The following NEK10 variants were observed in gnomAD, a reference collection of about 807,000 sequenced individuals.
NEK10 encodes the protein serine/threonine-protein kinase Nek10.
A neutral mutation model predicts 159.8 loss-of-function variants in NEK10; 122 were observed. The observed-to-expected ratio is 0.76, with a 90% CI of 0.66 to 0.89. NEK10 has a LOEUF of 0.89. Ranked by LOEUF, NEK10 falls within the 40% of genes least tolerant of loss-of-function variation. The probability of loss-of-function intolerance (pLI) is 0.00; values close to 1 mark genes in which losing one functional copy is unlikely to be tolerated. For missense variants in NEK10, 1,342 were observed against 1,323.1 expected (o/e 1.01, Z -0.22); for synonymous variants, 466 against 457.1 (o/e 1.02, Z -0.25).
At chr3:27,253,512 A>T (rs1244662555) in intron 23 of NEK10, among the ~76,000 whole-genome samples, 1 of 152,174 alleles carries the variant, frequency 6.6e-6, no homozygotes, top group African/African-American at 2.4e-5. Flanking sequence ...ACCTTTACTG[A>T]CCTTCTGTTC....
At chr3:27,339,114 C>A (rs1395808224) in intron 5 of NEK10, among the ~76,000 whole-genome samples, 1 of 152,042 alleles carries the variant, frequency 6.6e-6, no homozygotes, top group Non-Finnish European at 1.5e-5. Flanking sequence ...GCAAATTATA[C>A]CATTAAAAAG....
chr3:27,322,934 GT>G (rs2045752385), intron 5 of NEK10, among the ~76,000 whole-genome samples: 1 of 152,108 alleles, frequency 6.6e-6, no homozygotes, highest in South Asian at 2.1e-4. Flanking sequence ...TTTTGGTTTT[GT>G]TTTTTAGAAA....
At chr3:27,255,392 A>C (rs1034890838) in intron 23 of NEK10, 9 of 253,002 alleles carry the variant, frequency 3.6e-5, no homozygotes, top group African/African-American at 2.0e-4. Flanking sequence ...TTCTGCATGA[A>C]AGGACTTTGT....
rs1461141046 is a variant in NEK10, at chr3:27,269,103, ACGGATGAAGAGTTGCTTCTTCTGGATGAG to A, written c.2015-12761_2015-12733del. 4.6e-5 allele frequency among the ~76,000 whole-genome samples: 7 copies of A among 152,326 alleles called. No homozygotes were observed. The East Asian group carries it at 1.2e-3, about 25-fold the overall frequency. On this transcript the variant is annotated intron_variant, in intron 22 of 35. Coordinates refer to ENST00000691995, the MANE Select transcript of NEK10 (RefSeq NM_001394966.1). ...ATTGCAATCTCACAATAAAACTTGAACGGATGAAGAGTTGCTTCTTCTGGATGAGCAAAGAAACAGGTTTCTTGGAATGG... is the reference window on the plus strand; with the variant it reads ...ATTGCAATCTCACAATAAAACTTGAACAAAGAAACAGGTTTCTTGGAATGG...
Position 27,141,522 on chromosome 3 carries a change from T to G in NEK10, c.2930A>C (p.Gln977Pro), listed in dbSNP as rs747968915. ...KVRQISDPIQ[Q>P]ILIQLHKIIY... ...TATTTTGTGCAGCTGAATTAATATC[T>G]GCTGAATAGGATCACTGATCTGACG... The change falls in exon 31 of 36, where the codon CAG becomes CCG. Residue 977 changes from glutamine to proline, a missense_variant. By Grantham distance (76) the Gln-to-Pro change is moderately conservative. Transcript: ENST00000691995. 3 of 1,613,212 alleles carry G rather than the reference T, an allele frequency of 1.9e-6. No homozygotes were observed. Among genetic ancestry groups the G allele is most frequent in the Non-Finnish European group, 1.7e-6 (2 of 1,179,466 alleles).
chr3:27,138,480 C>G (rs529285249), intron 31 of NEK10, among the ~76,000 whole-genome samples: 71 of 152,238 alleles, frequency 4.7e-4, no homozygotes, highest in African/African-American at 1.6e-3. Context: ...GGGTGCTCTG[C>G]CTCAGCCCTA....
intron 11 of NEK10, among the ~76,000 whole-genome samples, chr3:27,305,941 T>C (rs1016531618): frequency 6.6e-6 from 1 of 152,192 alleles, no homozygotes; most frequent in East Asian, 1.9e-4. Flanking sequence ...AACCCTGTCA[T>C]CATGATCTCA....
Position 27,206,713 on chromosome 3 carries a change from A to C in NEK10, c.2091-4156T>G, listed in dbSNP as rs1950575654. 11 of 745,508 alleles carry C rather than the reference A, an allele frequency of 1.5e-5. No homozygotes were observed. The South Asian group carries it at 6.1e-4, about 41-fold the overall frequency. The allele number at this position is 745,508 out of a possible 1,614,324, so 46.2% of individuals were successfully genotyped here. On this transcript the variant is annotated intron_variant, in intron 23 of 35. Coordinates refer to ENST00000691995, the MANE Select transcript of NEK10 (RefSeq NM_001394966.1). ...TCTGTTACAAACCACTGACGAAAAT[A>C]GGGTTAAAGCAGTGGACTCTAAACA...
intron 23 of NEK10, among the ~76,000 whole-genome samples, chr3:27,250,238 G>A (rs1955511278): frequency 6.6e-6 from 1 of 151,026 alleles, no homozygotes; most frequent in Admixed American, 6.6e-5. Context: ...CCAGGCTGGA[G>A]TGCAGTAGCA....
chr3:27,205,065 G>C (rs1950413259), intron 23 of NEK10, among the ~76,000 whole-genome samples: 1 of 151,822 alleles, frequency 6.6e-6, no homozygotes, highest in Non-Finnish European at 1.5e-5. Context: ...GGCTAGTGAT[G>C]ATGAGCATTT....
Position 27,237,529 on chromosome 3 carries a change from G to A in NEK10, c.2090+18767C>T, listed in dbSNP as rs193301085. ...ATGTTCCTCTGCCGTGGCTCCAGCC[G>A]GTCCCTCCGTTCGGGGTCCCTGACT... is the stretch of plus-strand genomic sequence containing the variant. On this transcript the variant is annotated intron_variant, in intron 23 of 35. Coordinates refer to ENST00000691995, the MANE Select transcript of NEK10 (RefSeq NM_001394966.1). Among the ~76,000 whole-genome samples the A allele has an allele frequency of 3.5e-4, 51 of 147,706 alleles. No homozygotes were observed. In the East Asian group the frequency reaches 5.7e-3, roughly 16 times the overall value.
At position 27,128,192 on chromosome 3, in the gene NEK10, C is replaced by T. The variant is rs571257964; in HGVS notation, c.3081+3688G>A. Among the ~76,000 whole-genome samples the T allele has an allele frequency of 9.7e-4, 147 of 152,234 alleles. 1 individual carries two copies. Among genetic ancestry groups the T allele is most frequent in the African/African-American group, 3.5e-3 (144 of 41,522 alleles). On this transcript the variant is annotated intron_variant, in intron 32 of 35. Coordinates refer to ENST00000691995, the MANE Select transcript of NEK10 (RefSeq NM_001394966.1). ...AGTATTAAGTGAACCTCTGCAGTTG[C>T]GTTCCAACAACACTTTATTTACAAA...
At chr3:27,338,384 C>T (rs756451045) in intron 5 of NEK10, among the ~76,000 whole-genome samples, 1 of 152,146 alleles carries the variant, frequency 6.6e-6, no homozygotes. Flanking sequence ...GTGAATAGTG[C>T]CGCAATAAAC....
At chr3:27,131,787 AG>A in intron 32 of NEK10, 92 bp downstream of exon 32, 1 of 572,016 alleles carries the variant, frequency 1.7e-6, no homozygotes, top group African/African-American at 1.9e-5. Flanking sequence ...AATAGAGGAT[AG>A]AGCTTAAAGT....
chr3:27,259,789 A>T (rs2040234637), intron 22 of NEK10, among the ~76,000 whole-genome samples: 1 of 152,162 alleles, frequency 6.6e-6, no homozygotes, highest in South Asian at 2.1e-4. Flanking sequence ...GATGGCATTG[A>T]ACCTATAAAT....
In NEK10 at chr3:27,310,954, G is replaced by C. The variant is rs1431443663; in HGVS notation, c.631C>G (p.His211Asp). 18 of 1,602,254 alleles carry C rather than the reference G, an allele frequency of 1.1e-5. No individual in the cohort carries two copies. The highest frequency in any genetic ancestry group is 1.5e-5 in the Non-Finnish European group (18 of 1,169,618). ...QREWVTTSGAHKTLVNLLGAR... is the reference protein window; with the variant it reads ...QREWVTTSGADKTLVNLLGAR... Reference sequence around the variant, plus strand: ...CTCTTTCAGGGGCCACTCACCTTGTGGGCTCCACTTGTGGTGACCCATTCT... The same window carrying C: ...CTCTTTCAGGGGCCACTCACCTTGTCGGCTCCACTTGTGGTGACCCATTCT... Residue 211 changes from histidine (H) to aspartate (D), a missense_variant, in exon 9 of 36, where the codon CAC becomes GAC. Transcript: ENST00000691995.
chr3:27,310,654 T>C, intron 9 of NEK10: 1 of 272,978 alleles, frequency 3.7e-6, no homozygotes, highest in Non-Finnish European at 6.8e-6. Flanking sequence ...CTAGGGTGTA[T>C]TTATACATAG....
At chr3:27,123,230 T>C (rs549620738) in intron 32 of NEK10, among the ~76,000 whole-genome samples, 2 of 152,278 alleles carry the variant, frequency 1.3e-5, no homozygotes, top group South Asian at 2.1e-4. Flanking sequence ...TCATAAATCA[T>C]GAACCATGAA....
At chr3:27,326,934 C>T (rs1352941) in intron 5 of NEK10, among the ~76,000 whole-genome samples, 74,516 of 152,048 alleles carry the variant, frequency 0.49, 18,484 homozygotes, top group East Asian at 0.74. Context: ...CAAGACTATA[C>T]ACACATATAC....
Sources: gnomAD v4.1 joint callset for allele counts (sites outside exome capture counted in the v4.1 genomes callset) on GRCh38, gnomAD v4.1.1 for gene constraint, MANE v1.5 for transcripts, NCBI Gene and HGNC (gene_info 2026-07-23, HGNC 2026-07-21) for gene names.